LINGO2: variants seen among roughly 807,000 people sequenced by gnomAD.
LINGO2 encodes the protein leucine-rich repeat and immunoglobulin-like domain-containing nogo receptor-interacting protein 2.
Under a neutral mutation model 30.6 loss-of-function variants are expected in LINGO2, and 14 were observed. The ratio of observed to expected loss-of-function variants is 0.46; its 90% CI spans 0.30 to 0.72. LINGO2 has a LOEUF of 0.72. LINGO2 is among the 30% of genes least tolerant of loss of function. The pLI, the probability that LINGO2 is intolerant of heterozygous loss-of-function variation, is 0.07. For missense variants in LINGO2, 729 were observed against 751.7 expected (o/e 0.97, Z 0.35); for synonymous variants, 317 against 288.5 (o/e 1.10, Z -1.00).
chr9:29,098,024 T>G, the LINGO2 span, among the ~76,000 whole-genome samples: 1 of 152,138 alleles, frequency 6.6e-6, no homozygotes, highest in Non-Finnish European at 1.5e-5. Flanking sequence ...TTATTTTATG[T>G]TTGACTTCTA....
the LINGO2 span, among the ~76,000 whole-genome samples, chr9:28,874,546 C>T: frequency 6.6e-6 from 1 of 151,796 alleles, no homozygotes; most frequent in Admixed American, 6.6e-5. Flanking sequence ...ATATATTTTT[C>T]ATTTCTATTT....
intron 4 of LINGO2, among the ~76,000 whole-genome samples, chr9:28,025,101 G>C (rs16912276): frequency 0.043 from 6,578 of 152,136 alleles, 240 homozygotes; most frequent in African/African-American, 0.096. Flanking sequence ...ATCATGTGTT[G>C]ATTACCGGTA....
At chr9:28,746,868 C>T in the LINGO2 span, among the ~76,000 whole-genome samples, 1 of 151,952 alleles carries the variant, frequency 6.6e-6, no homozygotes, top group African/African-American at 2.4e-5. Flanking sequence ...CTTTCACCTG[C>T]CTTACTTTAC....
chr9:28,707,398 G>C, the LINGO2 span, among the ~76,000 whole-genome samples: 6 of 152,092 alleles, frequency 3.9e-5, no homozygotes, highest in Non-Finnish European at 8.8e-5. Context: ...ACAGTCCAAA[G>C]CTTCTTCCAT....
intron 2 of LINGO2, among the ~76,000 whole-genome samples, chr9:28,470,784 AATAG>A (rs1262039409): frequency 9.2e-5 from 14 of 151,860 alleles, no homozygotes; most frequent in African/African-American, 3.4e-4. Context: ...AGTTGAAAAA[AATAG>A]ATGTTGAATT....
chr9:28,357,559 A>G (rs1013520191), intron 3 of LINGO2, among the ~76,000 whole-genome samples: 11 of 152,138 alleles, frequency 7.2e-5, no homozygotes, highest in African/African-American at 2.4e-4. Flanking sequence ...AGAAACAACT[A>G]TAACCATATA....
chr9:28,846,763 T>C, the LINGO2 span, among the ~76,000 whole-genome samples: 1 of 148,024 alleles, frequency 6.8e-6, no homozygotes, highest in African/African-American at 2.6e-5. Context: ...ATACTATCAA[T>C]GTGAAGTGCA....
intron 4 of LINGO2, among the ~76,000 whole-genome samples, chr9:28,163,535 T>C (rs974616968): frequency 2.0e-5 from 3 of 152,140 alleles, no homozygotes; most frequent in Admixed American, 2.0e-4. Context: ...GGAAGTAAGA[T>C]AGGAAGAATT....
At chr9:28,408,749 C>T (rs1251107572) in intron 2 of LINGO2, among the ~76,000 whole-genome samples, 1 of 144,428 alleles carries the variant, frequency 6.9e-6, no homozygotes. Context: ...TGCACATGTA[C>T]CCTTAAACTT....
At chr9:28,669,154 G>A (rs1828919198) in intron 1 of LINGO2, among the ~76,000 whole-genome samples, 1 of 152,054 alleles carries the variant, frequency 6.6e-6, no homozygotes, top group Non-Finnish European at 1.5e-5. Context: ...TCCCATCCTA[G>A]ACTAATGTGT....
At chr9:28,073,111 T>C (rs1055248597) in intron 4 of LINGO2, among the ~76,000 whole-genome samples, 1 of 151,976 alleles carries the variant, frequency 6.6e-6, no homozygotes, top group Non-Finnish European at 1.5e-5. Flanking sequence ...CTAGACGGTG[T>C]GTCCAGCAGA....
intron 4 of LINGO2, among the ~76,000 whole-genome samples, chr9:28,015,196 G>A (rs1331905134): frequency 6.6e-6 from 1 of 152,142 alleles, no homozygotes; most frequent in African/African-American, 2.4e-5. Flanking sequence ...TTCTTGGATA[G>A]GAGCTGGGAT....
At chr9:28,575,950 A>ACACC (rs1472316944) in intron 1 of LINGO2, among the ~76,000 whole-genome samples, 1 of 151,802 alleles carries the variant, frequency 6.6e-6, no homozygotes, top group Non-Finnish European at 1.5e-5. Context: ...ACACACACAC[A>ACACC]CATACATATC....
In LINGO2 at chr9:28,585,884, T is replaced by C. The variant is rs550296368; in HGVS notation, c.-365+84316A>G. The stretch of plus-strand genomic sequence containing the variant: ...CTGATTTAATATGTTTGGGGAATCA[T>C]CTCAGTTGTGGCTCTCCCACTAGTC... On this transcript the variant is annotated intron_variant, in intron 1 of 5. Coordinates refer to ENST00000379992, the Ensembl canonical transcript of LINGO2. Among the ~76,000 whole-genome samples, 40 of 152,148 alleles carry C rather than the reference T, an allele frequency of 2.6e-4. No homozygotes were observed. In the East Asian group the frequency reaches 6.8e-3, roughly 26 times the overall value.
the LINGO2 span, among the ~76,000 whole-genome samples, chr9:28,848,283 CTA>C: frequency 1.2e-5 from 1 of 82,492 alleles, no homozygotes; most frequent in East Asian, 4.1e-4. Flanking sequence ...TATATATACA[CTA>C]TGCATATATA....
At chr9:28,448,429 T>G (rs892714495) in intron 2 of LINGO2, among the ~76,000 whole-genome samples, 11 of 152,158 alleles carry the variant, frequency 7.2e-5, no homozygotes, top group African/African-American at 2.4e-4. Context: ...GCTCATATTT[T>G]GAACTCTTAC....
chr9:29,080,323 AT>A, the LINGO2 span, among the ~76,000 whole-genome samples: 1 of 151,064 alleles, frequency 6.6e-6, no homozygotes, highest in African/African-American at 2.4e-5. Flanking sequence ...CATCTATTTC[AT>A]TCCTCTCTTT....
At chr9:28,730,583 A>G in the LINGO2 span, among the ~76,000 whole-genome samples, 4 of 152,200 alleles carry the variant, frequency 2.6e-5, no homozygotes, top group Admixed American at 2.0e-4. Flanking sequence ...TAGAATAGCT[A>G]GAGAACTCTT....
intron 4 of LINGO2, among the ~76,000 whole-genome samples, chr9:28,049,961 C>G (rs1824596669): frequency 6.6e-6 from 1 of 150,700 alleles, no homozygotes; most frequent in African/African-American, 2.5e-5. Context: ...TGGGGCCAAG[C>G]CTGGCAGCAA....
Sources: gnomAD v4.1 joint callset for allele counts (sites outside exome capture counted in the v4.1 genomes callset) on GRCh38, gnomAD v4.1.1 for gene constraint, MANE v1.5 for transcripts, NCBI Gene and HGNC (gene_info 2026-07-23, HGNC 2026-07-21) for gene names.